Variants in CAPN7 observed in about 807,000 individuals in gnomAD.
CAPN7 encodes the protein calpain 7.
A neutral mutation model predicts 115.2 loss-of-function variants in CAPN7; 72 were observed. The ratio of observed to expected loss-of-function variants is 0.63; its 90% CI spans 0.52 to 0.76. The LOEUF is 0.76. Ranked by LOEUF, CAPN7 falls within the 30% of genes least tolerant of loss-of-function variation. The pLI is 0.00. For missense variants in CAPN7, 905 were observed against 971.5 expected, an observed-to-expected ratio of 0.93 and a Z score of 0.91; for synonymous variants, 344 against 322.3, an observed-to-expected ratio of 1.07 and a Z score of -0.72.
intron 2 of CAPN7, among the ~76,000 whole-genome samples, chr3:15,216,202 T>G (rs1669083562): frequency 6.6e-6 from 1 of 152,262 alleles, no homozygotes; most frequent in Admixed American, 6.5e-5. Flanking sequence ...TGTTTAACTT[T>G]TTGAGGAACT....
chr3:15,234,914 G>A (rs1694898497), intron 11 of CAPN7, 111 bp from the exon 12 acceptor site: 2 of 780,668 alleles, frequency 2.6e-6, no homozygotes, highest in Non-Finnish European at 3.9e-6. Context: ...ATTCTTCAGG[G>A]GTAGGAACAG....
At chr3:15,233,304 C>T (rs1333109044) in intron 10 of CAPN7, among the ~76,000 whole-genome samples, 2 of 152,190 alleles carry the variant, frequency 1.3e-5, no homozygotes, top group Non-Finnish European at 2.9e-5. Flanking sequence ...TGATTAGTTT[C>T]CCTGCCAAAC....
chr3:15,251,084 A>G, intron 20 of CAPN7, 32 bp from the exon 21 acceptor site: 2 of 1,601,926 alleles, frequency 1.2e-6, no homozygotes, highest in Non-Finnish European at 1.7e-6. Context: ...ATCATCTTCT[A>G]TAAACCTTAT....
Position 15,229,561 on chromosome 3 carries a change from CTTTTTT to C in CAPN7, c.938+525_938+530del, listed in dbSNP as rs566957976. On this transcript the variant is annotated intron_variant, in intron 8 of 20. Coordinates refer to ENST00000253693, the MANE Select transcript of CAPN7 (RefSeq NM_014296.3). ...CATCAAAATTGGTTTTACTTTTTTT[CTTTTTT>C]TTTTTTTTTTTTTTTTTTTTTTGGA... Among the ~76,000 whole-genome samples the C allele has an allele frequency of 8.8e-4, 77 of 87,864 alleles. 1 individual carries two copies. In the East Asian group the frequency reaches 0.02, roughly 23 times the overall value. 57.6% of individuals were successfully genotyped at this position (87,864 alleles called of 152,430 possible). A position where few individuals can be genotyped will look rare whatever the true frequency, so the allele number is the denominator to read the frequency against.
chr3:15,213,020 G>A (rs2124875909), intron 2 of CAPN7, among the ~76,000 whole-genome samples: 1 of 152,266 alleles, frequency 6.6e-6, no homozygotes, highest in African/African-American at 2.4e-5. Context: ...TAAAAACAAG[G>A]CGGTTTACTT....
intron 10 of CAPN7, among the ~76,000 whole-genome samples, chr3:15,233,602 G>C (rs1373114325): frequency 6.6e-6 from 1 of 152,068 alleles, no homozygotes; most frequent in Non-Finnish European, 1.5e-5. Flanking sequence ...AGTTTTTTCT[G>C]TTACATGTCT....
intron 1 of CAPN7, among the ~76,000 whole-genome samples, chr3:15,208,216 T>A (rs540084078): frequency 1.3e-5 from 2 of 152,216 alleles, no homozygotes; most frequent in South Asian, 4.1e-4. Context: ...TATGCTTTTT[T>A]TTTTTTTTTA....
chr3:15,250,803 T>C (rs1005723583), intron 19 of CAPN7, 128 bp from the exon 20 acceptor site: 3 of 625,332 alleles, frequency 4.8e-6, no homozygotes, highest in Non-Finnish European at 8.2e-6. Flanking sequence ...AAAAATAGAG[T>C]GTGTATGTTT....
intron 2 of CAPN7, among the ~76,000 whole-genome samples, chr3:15,213,098 A>C (rs2045046827): frequency 1.3e-5 from 2 of 152,216 alleles, no homozygotes. Context: ...ACCTCACTTG[A>C]TACAAAGTAT....
intron 9 of CAPN7, among the ~76,000 whole-genome samples, chr3:15,230,882 G>T (rs1479388221): frequency 6.6e-6 from 1 of 152,212 alleles, no homozygotes; most frequent in Non-Finnish European, 1.5e-5. Context: ...TAGGTCAGAA[G>T]AGTGTATATG....
At chr3:15,241,267 C>A (rs377665235) in intron 14 of CAPN7, among the ~76,000 whole-genome samples, 186 bp from the exon 15 acceptor site, 1 of 152,094 alleles carries the variant, frequency 6.6e-6, no homozygotes, top group African/African-American at 2.4e-5. Flanking sequence ...CTTTTTGTCA[C>A]GCCCACAGTG....
intron 12 of CAPN7, among the ~76,000 whole-genome samples, chr3:15,236,998 G>A (rs1695030169): frequency 6.6e-6 from 1 of 152,120 alleles, no homozygotes; most frequent in African/African-American, 2.4e-5. Context: ...ATAATGAATT[G>A]TTCTAAGCCA....
At chr3:15,207,336 A>G (rs920680394) in intron 1 of CAPN7, among the ~76,000 whole-genome samples, 4 of 152,222 alleles carry the variant, frequency 2.6e-5, no homozygotes, top group Non-Finnish European at 4.4e-5. Context: ...GCACTTACCC[A>G]CAAAAGGAGC....
intron 16 of CAPN7, among the ~76,000 whole-genome samples, chr3:15,244,203 A>G (rs1695523676): frequency 6.6e-6 from 1 of 152,218 alleles, no homozygotes; most frequent in African/African-American, 2.4e-5. Context: ...ATTCTTCCCT[A>G]TTACAATGTG....
In CAPN7 at chr3:15,240,652, T is replaced by C. The variant is rs1309217409; in HGVS notation, c.1552+35T>C. ...TCTTTTTAATTTTAATACCATTTAT[T>C]CTTCAAAAAAAAACATGTTTTAACA... On this transcript the variant is annotated intron_variant, in intron 13 of 20. Transcript: ENST00000253693. 1.9e-6 allele frequency: 3 copies of C among 1,566,494 alleles called. No individual in the cohort carries two copies. In the East Asian group the frequency reaches 6.8e-5, roughly 35 times the overall value.
rs1231962657 is a variant in CAPN7, at chr3:15,206,396, G to A, written c.-100G>A. 1 of 821,936 alleles carries A rather than the reference G, an allele frequency of 1.2e-6. No homozygotes were observed. The highest frequency in any genetic ancestry group is 1.8e-5 in the African/African-American group (1 of 55,200). The allele number at this position is 821,936 out of a possible 1,614,324, so 50.9% of individuals were successfully genotyped here. ...AAGTAAACTTTGCCGCTCCTTCCGCGGCGCTCCCGAGTCCTCGCCGCCGCC... is the reference window on the plus strand; with the variant it reads ...AAGTAAACTTTGCCGCTCCTTCCGCAGCGCTCCCGAGTCCTCGCCGCCGCC... On this transcript the variant is annotated 5_prime_UTR_variant, in exon 1 of 21. Coordinates refer to ENST00000253693, the MANE Select transcript of CAPN7 (RefSeq NM_014296.3).
At chr3:15,208,382 A>G (rs2044748882) in intron 1 of CAPN7, among the ~76,000 whole-genome samples, 1 of 151,642 alleles carries the variant, frequency 6.6e-6, no homozygotes, top group Non-Finnish European at 1.5e-5. Flanking sequence ...CAAACTGCAA[A>G]GCTCAAGCAA....
chr3:15,227,965 G>A lies in CAPN7; in HGVS notation c.852G>A (p.Gln284=). ...CTGTGTCCAGTTTTAGCATAAAGCA[G>A]GTGAGCATTTATTTTGTATGATTTT... The part of the protein sequence containing the change: ...IYTVSSFSIK[Q]TIVSDCSFVA... Residue 284 remains glutamine, a splice_region_variant and synonymous_variant, in exon 7 of 21, where the codon CAG becomes CAA. Coordinates refer to ENST00000253693, the MANE Select transcript of CAPN7 (RefSeq NM_014296.3). 1 of 1,433,534 alleles carries A rather than the reference G, an allele frequency of 7.0e-7. No homozygotes were observed. Among genetic ancestry groups the A allele is most frequent in the Non-Finnish European group, 9.2e-7 (1 of 1,088,870 alleles). 88.8% of individuals were successfully genotyped at this position (1,433,534 alleles called of 1,614,324 possible).
At chr3:15,233,120 A>C (rs1347362451) in intron 10 of CAPN7, among the ~76,000 whole-genome samples, 1 of 152,232 alleles carries the variant, frequency 6.6e-6, no homozygotes, top group African/African-American at 2.4e-5. Flanking sequence ...TTAAATTCTT[A>C]CAATAACCAG....
Sources: allele counts gnomAD v4.1 joint callset (sites outside exome capture counted in the v4.1 genomes callset), GRCh38; gene constraint gnomAD v4.1.1; transcripts MANE v1.5; gene names NCBI Gene and HGNC (gene_info 2026-07-23, HGNC 2026-07-21).